The following AMZ1 variants were observed in gnomAD, a reference collection of about 807,000 sequenced individuals.
AMZ1 encodes archaelysin family metallopeptidase 1.
A neutral mutation model predicts 29.9 loss-of-function variants in AMZ1; 39 were observed. The observed-to-expected ratio is 1.30, with a 90% confidence interval of 1.01 to 1.70. The LOEUF is 1.70. Ranked by LOEUF, AMZ1 falls within the 40% of genes most tolerant of loss-of-function variation. The pLI, the probability that AMZ1 is intolerant of heterozygous loss-of-function variation, is 0.00. For synonymous variants in AMZ1, 458 were observed against 304.0 expected, an observed-to-expected ratio of 1.51 and a Z score of -5.27; for missense variants, 1,041 against 680.6, an observed-to-expected ratio of 1.53 and a Z score of -5.89.
intron 4 of AMZ1, among the ~76,000 whole-genome samples, chr7:2,737,309 G>C (rs181589997): frequency 1.3e-5 from 1 of 75,200 alleles, no homozygotes; most frequent in Non-Finnish European, 2.3e-5. Context: ...TTTTTTTTGA[G>C]ATGGAGTCTC....
chr7:2,707,818 C>CTTTTTTT (rs60848680), intron 3 of AMZ1, among the ~76,000 whole-genome samples: 6 of 95,334 alleles, frequency 6.3e-5, no homozygotes, highest in African/African-American at 1.4e-4. Flanking sequence ...CTAACGAGGG[C>CTTTTTTT]TTTTTTTTTT....
intron 4 of AMZ1, among the ~76,000 whole-genome samples, chr7:2,741,756 G>A (rs988039354): frequency 1.3e-4 from 19 of 151,882 alleles, no homozygotes; most frequent in African/African-American, 3.9e-4. Flanking sequence ...AACAACTTCA[G>A]AGGGTATGTC....
chr7:2,751,588 G>A (rs908884155), intron 4 of AMZ1, among the ~76,000 whole-genome samples: 1 of 152,072 alleles, frequency 6.6e-6, no homozygotes, highest in African/African-American at 2.4e-5. Flanking sequence ...AAGGCCAAAT[G>A]TTGGTTCTTT....
In AMZ1 at chr7:2,714,920, T is replaced by C. The variant is rs926296409; in HGVS notation, c.*2042T>C. 6.6e-6 allele frequency: 1 copy of C among 152,268 alleles called. No homozygotes were observed. 9.4% of individuals were successfully genotyped at this position (152,268 alleles called of 1,614,324 possible). On this transcript the variant is annotated 3_prime_UTR_variant, in exon 7 of 7. Transcript: ENST00000683327. The stretch of plus-strand genomic sequence containing the variant: ...GAAAATGCAAAGGGACAAGTATGTG[T>C]TGATTTCAGAGAAGCTCAGATGTAG...
At chr7:2,744,188 G>A (rs968254112) in intron 4 of AMZ1, among the ~76,000 whole-genome samples, 9 of 152,220 alleles carry the variant, frequency 5.9e-5, no homozygotes, top group African/African-American at 1.2e-4. Flanking sequence ...CTCCCAGCAC[G>A]CAGCTGGAGA....
rs764777086 is a variant in AMZ1 at position 2,712,612 on chromosome 7, C to T, written c.1231C>T (p.Leu411=). ...GGCCATCAAGGAGCATGAACGGTGG[C>T]TGGCCATGTGCATCCAGGCCCTGCA... ...AEAIKEHERW[L]AMCIQALQRE... Residue 411 remains leucine (L), a synonymous_variant, in exon 7 of 7, where the codon CTG becomes TTG. Transcript: ENST00000683327. 59 of 1,612,734 alleles carry T rather than the reference C, an allele frequency of 3.7e-5. No individual in the cohort carries two copies. Among genetic ancestry groups the T allele is most frequent in the Non-Finnish European group, 3.8e-5 (45 of 1,179,834 alleles).
At chr7:2,745,277 A>C (rs545831530) in intron 4 of AMZ1, among the ~76,000 whole-genome samples, 1 of 152,224 alleles carries the variant, frequency 6.6e-6, no homozygotes, top group Non-Finnish European at 1.5e-5. Flanking sequence ...GAGAAAGGTC[A>C]GGTTACCCAC....
chr7:2,692,275 T>A (rs570805740), intron 1 of AMZ1, among the ~76,000 whole-genome samples: 1 of 151,968 alleles, frequency 6.6e-6, no homozygotes, highest in Non-Finnish European at 1.5e-5. Context: ...GCGTGGTGGC[T>A]CACGCCTGTA....
intron 2 of AMZ1, 101 bp from the exon 3 acceptor site, chr7:2,702,621 C>T: frequency 7.3e-7 from 1 of 1,364,660 alleles, no homozygotes; most frequent in Non-Finnish European, 9.7e-7. Context: ...TCCACATTGG[C>T]CTTGTTCACC....
At chr7:2,722,262 A>C (rs574750103), downstream of AMZ1, among the ~76,000 whole-genome samples, 1 of 149,330 alleles carries the variant, frequency 6.7e-6, no homozygotes, top group Admixed American at 6.8e-5. Context: ...GTTAAGAAAA[A>C]GGGCATTTCG....
At chr7:2,750,276 C>A (rs1790967740) in intron 4 of AMZ1, among the ~76,000 whole-genome samples, 1 of 152,220 alleles carries the variant, frequency 6.6e-6, no homozygotes, top group African/African-American at 2.4e-5. Flanking sequence ...GGACACACTG[C>A]TGCCCCCAAA....
intron 4 of AMZ1, among the ~76,000 whole-genome samples, chr7:2,738,536 C>T (rs1790330585): frequency 2.6e-5 from 4 of 151,902 alleles, no homozygotes; most frequent in Admixed American, 2.6e-4. Context: ...TAAGAAATGG[C>T]GGGAGACTAA....
At position 2,712,574 on chromosome 7, in the gene AMZ1, G is replaced by A; in HGVS notation, c.1193G>A (p.Gly398Glu). Residue 398 changes from glycine (G) to glutamate (E), a missense_variant, in exon 7 of 7, where the codon GGG becomes GAG. Coordinates refer to ENST00000683327, the MANE Select transcript of AMZ1 (RefSeq NM_001384743.1). ...GCCTCAGAGGCTCCGCTGCCACCTG[G>A]GGGCCCTGCGGAGGCCATCAAGGAG... ...LAASEAPLPP[G>E]GPAEAIKEHE... The A allele has an allele frequency of 6.2e-7, 1 of 1,611,544 alleles. No homozygotes were observed. Among genetic ancestry groups the A allele is most frequent in the Non-Finnish European group, 8.5e-7 (1 of 1,179,272 alleles).
upstream of AMZ1, chr7:2,760,596 C>G (rs1791509706): frequency 6.6e-6 from 1 of 152,552 alleles, no homozygotes; most frequent in African/African-American, 2.4e-5. Flanking sequence ...AGCACTGCAC[C>G]AGAGCCTGTG....
At chr7:2,686,655 TA>T (rs1314787346), upstream of AMZ1, among the ~76,000 whole-genome samples, 1 of 152,194 alleles carries the variant, frequency 6.6e-6, no homozygotes, top group African/African-American at 2.4e-5. Context: ...TTTTTGTTTT[TA>T]TTTTTCATAA....
chr7:2,760,015 AGTTTTAAAAGTAT>A (rs1364499325), upstream of AMZ1, among the ~76,000 whole-genome samples: 1 of 152,266 alleles, frequency 6.6e-6, no homozygotes, highest in Non-Finnish European at 1.5e-5. Context: ...AGGAACACTC[AGTTTTAAAAGTAT>A]TTTTTAAAAT....
At chr7:2,693,801 C>A (rs552215819) in intron 1 of AMZ1, among the ~76,000 whole-genome samples, 1 of 152,174 alleles carries the variant, frequency 6.6e-6, no homozygotes, top group Non-Finnish European at 1.5e-5. Flanking sequence ...CTGATCCGCT[C>A]GCCTCGGCCT....
intron 2 of AMZ1, 78 bp downstream of exon 2, chr7:2,700,833 T>C: frequency 6.6e-7 from 1 of 1,522,928 alleles, no homozygotes; most frequent in South Asian, 1.2e-5. Flanking sequence ...TGTCTGTGCA[T>C]AGCCCCCAGG....
chr7:2,696,015 A>G (rs993206721), intron 1 of AMZ1, among the ~76,000 whole-genome samples: 4,153 of 77,500 alleles, frequency 0.054, 95 homozygotes, highest in African/African-American at 0.098. Flanking sequence ...TTGGGGGGGA[A>G]AAAAAAAAAA....
Sources: gnomAD v4.1 joint callset for allele counts (sites outside exome capture counted in the v4.1 genomes callset) on GRCh38, gnomAD v4.1.1 for gene constraint, MANE v1.5 for transcripts, NCBI Gene and HGNC (gene_info 2026-07-23, HGNC 2026-07-21) for gene names.